Variants in LDLRAD3 observed in about 807,000 individuals in gnomAD.
The protein encoded by LDLRAD3 is low density lipoprotein receptor class A domain containing 3.
A neutral mutation model predicts 29.4 loss-of-function variants in LDLRAD3; 20 were observed. The observed-to-expected ratio is 0.68, with a 90% CI of 0.48 to 0.99. The LOEUF is 0.99. LDLRAD3 is among the 50% of genes least tolerant of loss of function. The probability of loss-of-function intolerance (pLI) is 0.00; values close to 1 mark genes in which losing one functional copy is unlikely to be tolerated. For synonymous variants in LDLRAD3, 157 were observed against 192.7 expected, an observed-to-expected ratio of 0.81 and a Z score of 1.53; for missense variants, 420 against 454.3, an observed-to-expected ratio of 0.92 and a Z score of 0.69.
At chr11:36,149,859 A>T (rs1221976100) in intron 4 of LDLRAD3, among the ~76,000 whole-genome samples, 1 of 151,222 alleles carries the variant, frequency 6.6e-6, no homozygotes, top group Non-Finnish European at 1.5e-5. Flanking sequence ...TGTGTTCCTC[A>T]TGACTGTTCC....
chr11:36,128,128 ATATATATG>A lies in LDLRAD3; in HGVS notation c.454+29673_454+29680del, dbSNP rs910409003. Among the ~76,000 whole-genome samples, 60 of 124,616 alleles carry A rather than the reference ATATATATG, an allele frequency of 4.8e-4. 4 individuals are homozygous for A. The highest frequency in any genetic ancestry group is 3.9e-3 in the Middle Eastern group (1 of 254). The allele number at this position is 124,616 out of a possible 152,430, so 81.8% of individuals were successfully genotyped here. The stretch of plus-strand genomic sequence containing the variant: ...CAGAGTTGTTTTTACATATATATAT[ATATATATG>A]TATATGACATGTAGGCAATTAAACT... On this transcript the variant is annotated intron_variant, in intron 4 of 5. Coordinates refer to ENST00000315571, the MANE Select transcript of LDLRAD3 (RefSeq NM_174902.4).
chr11:36,105,406 G>A (rs1288003152), intron 4 of LDLRAD3, among the ~76,000 whole-genome samples: 1 of 152,002 alleles, frequency 6.6e-6, no homozygotes, highest in Non-Finnish European at 1.5e-5. Flanking sequence ...AAGTGGTCTT[G>A]GCCCCTTGTT....
intron 4 of LDLRAD3, among the ~76,000 whole-genome samples, chr11:36,166,810 A>G (rs141104414): frequency 1.3e-4 from 20 of 152,326 alleles, no homozygotes; most frequent in Non-Finnish European, 1.2e-4. Context: ...CAGTAGGTCC[A>G]GGATGGGGCC....
intron 4 of LDLRAD3, among the ~76,000 whole-genome samples, chr11:36,202,781 G>A (rs1855145760): frequency 6.6e-6 from 1 of 152,140 alleles, no homozygotes; most frequent in African/African-American, 2.4e-5. Context: ...TGTCCCAGGG[G>A]CACCTAAGTC....
At chr11:36,095,759 C>T (rs1433651154) in intron 3 of LDLRAD3, among the ~76,000 whole-genome samples, 1 of 152,164 alleles carries the variant, frequency 6.6e-6, no homozygotes, top group Non-Finnish European at 1.5e-5. Flanking sequence ...CCCATCAGGA[C>T]GTTTACATAA....
chr11:36,056,062 C>G (rs1852615470), intron 2 of LDLRAD3, among the ~76,000 whole-genome samples: 1 of 134,796 alleles, frequency 7.4e-6, no homozygotes, highest in South Asian at 2.5e-4. Context: ...GTGGCATGAT[C>G]TCAGCTCACT....
chr11:36,153,747 G>A (rs1020886824), intron 4 of LDLRAD3, among the ~76,000 whole-genome samples: 1 of 152,134 alleles, frequency 6.6e-6, no homozygotes, highest in Admixed American at 6.6e-5. Flanking sequence ...ATGCAGCTAT[G>A]TGCATATTTA....
intron 1 of LDLRAD3, among the ~76,000 whole-genome samples, chr11:35,964,034 T>C (rs2984699): frequency 0.55 from 83,762 of 152,006 alleles, 25,000 homozygotes; most frequent in East Asian, 0.78. Flanking sequence ...CAGTCCTTGA[T>C]GTGATGGAAT....
At chr11:36,131,826 C>T (rs1279992618) in intron 4 of LDLRAD3, among the ~76,000 whole-genome samples, 1 of 152,166 alleles carries the variant, frequency 6.6e-6, no homozygotes, top group African/African-American at 2.4e-5. Context: ...CACATCTTGC[C>T]TCATTGAACC....
intron 1 of LDLRAD3, among the ~76,000 whole-genome samples, chr11:36,002,879 A>G (rs1236641756): frequency 6.6e-6 from 1 of 152,246 alleles, no homozygotes; most frequent in Non-Finnish European, 1.5e-5. Flanking sequence ...CAGGCATCCT[A>G]CAAATGGAAT....
chr11:36,095,955 G>A (rs144935110), intron 3 of LDLRAD3, among the ~76,000 whole-genome samples: 6 of 151,722 alleles, frequency 4.0e-5, no homozygotes, highest in African/African-American at 1.4e-4. Flanking sequence ...AAAACCAGAC[G>A]TGATTTGTGG....
chr11:36,172,097 G>C (rs552283007), intron 4 of LDLRAD3, among the ~76,000 whole-genome samples: 1 of 152,108 alleles, frequency 6.6e-6, no homozygotes, highest in Non-Finnish European at 1.5e-5. Flanking sequence ...ATTGCAAAAG[G>C]AGTTGAGTTC....
At chr11:36,216,613 A>G (rs1443434997) in intron 4 of LDLRAD3, among the ~76,000 whole-genome samples, 3 of 152,310 alleles carry the variant, frequency 2.0e-5, no homozygotes, top group East Asian at 3.9e-4. Flanking sequence ...TTCCTAGTCC[A>G]TACAGCTAGT....
chr11:36,165,812 C>T (rs1854504587), intron 4 of LDLRAD3, among the ~76,000 whole-genome samples: 1 of 143,984 alleles, frequency 6.9e-6, no homozygotes, highest in African/African-American at 2.6e-5. Flanking sequence ...AATTAATGAT[C>T]CAAAGATTCT....
chr11:36,149,982 G>A (rs1590311306), intron 4 of LDLRAD3, among the ~76,000 whole-genome samples: 2 of 152,318 alleles, frequency 1.3e-5, no homozygotes, highest in African/African-American at 2.4e-5. Context: ...CAGGGCAGGC[G>A]TGAACGGTGG....
chr11:36,028,841 C>T (rs1182641849), intron 1 of LDLRAD3, among the ~76,000 whole-genome samples: 2 of 152,166 alleles, frequency 1.3e-5, no homozygotes, highest in African/African-American at 2.4e-5. Flanking sequence ...TGGCCATTTG[C>T]AGACTTGTTC....
At chr11:36,084,291 G>C (rs1853163807) in intron 3 of LDLRAD3, among the ~76,000 whole-genome samples, 1 of 152,090 alleles carries the variant, frequency 6.6e-6, no homozygotes, top group African/African-American at 2.4e-5. Flanking sequence ...GATTAAGCCA[G>C]CATCTTCCTC....
chr11:36,002,089 C>T (rs140640253), intron 1 of LDLRAD3, among the ~76,000 whole-genome samples: 108 of 152,324 alleles, frequency 7.1e-4, no homozygotes, highest in African/African-American at 2.5e-3. Context: ...CGCATTTCTT[C>T]TAAACCAGTT....
Position 36,227,286 on chromosome 11 carries a change from G to C in LDLRAD3, c.656G>C (p.Arg219Pro), listed in dbSNP as rs368201136. 9 of 1,613,974 alleles carry C rather than the reference G, an allele frequency of 5.6e-6. No homozygotes were observed. The highest frequency in any genetic ancestry group is 7.6e-6 in the Non-Finnish European group (9 of 1,179,968). ...HRLQHPVLLS[R>P]LVVLDHPHHC... ...CTGCAGCACCCTGTGCTGCTGTCCC[G>C]CCTGGTGGTCCTGGACCACCCCCAC... Residue 219 changes from arginine to proline, a missense_variant, in exon 5 of 6, where the codon CGC becomes CCC. This residue lies in a region of LDLRAD3 where 56 missense variants were observed against 92.2 expected (regional missense o/e 0.61). Coordinates refer to ENST00000315571, the MANE Select transcript of LDLRAD3 (RefSeq NM_174902.4).
Sources: gnomAD v4.1 joint callset for allele counts (sites outside exome capture counted in the v4.1 genomes callset) on GRCh38, gnomAD v4.1.1 for gene constraint, gnomAD v4.1.1 regional missense constraint, MANE v1.5 for transcripts, NCBI Gene and HGNC (gene_info 2026-07-23, HGNC 2026-07-21) for gene names.